GNAO1: variants seen among roughly 807,000 people sequenced by gnomAD.
The protein encoded by GNAO1 is G protein subunit alpha o1, also known as guanine nucleotide-binding protein G(o) subunit alpha.
For synonymous variants in GNAO1, 164 were observed against 180.7 expected (o/e 0.91, Z 0.74); for missense variants, 166 against 478.7 (o/e 0.35, Z 6.10).
intron 5 of GNAO1, among the ~76,000 whole-genome samples, chr16:56,335,676 C>A (rs2037733652): frequency 6.6e-6 from 1 of 152,166 alleles, no homozygotes. Context: ...GCAGAGCAGC[C>A]CTGAGGGGCC....
At chr16:56,219,196 C>G (rs2036462428) in intron 2 of GNAO1, among the ~76,000 whole-genome samples, 2 of 152,172 alleles carry the variant, frequency 1.3e-5, no homozygotes, top group African/African-American at 4.8e-5. Flanking sequence ...ATGACCATAC[C>G]TTTTCCATCC....
intron 2 of GNAO1, among the ~76,000 whole-genome samples, chr16:56,261,801 A>C (rs1596827605): frequency 6.6e-6 from 1 of 152,072 alleles, no homozygotes; most frequent in South Asian, 2.1e-4. Context: ...GTAACCAGGC[A>C]CCCCCTTTCA....
chr16:56,228,989 G>A (rs1362762638), intron 2 of GNAO1, among the ~76,000 whole-genome samples: 1 of 152,198 alleles, frequency 6.6e-6, no homozygotes, highest in Non-Finnish European at 1.5e-5. Context: ...GTTCTCTGCT[G>A]TGTGTGTGGT....
At chr16:56,312,793 G>A (rs1338550499) in intron 3 of GNAO1, among the ~76,000 whole-genome samples, 2 of 152,304 alleles carry the variant, frequency 1.3e-5, no homozygotes, top group South Asian at 2.1e-4. Flanking sequence ...ACGTGCCACC[G>A]CTCTGTGAGA....
chr16:56,326,012 C>T lies in GNAO1; in HGVS notation c.304-2619C>T, dbSNP rs1370726236. 1.3e-5 allele frequency among the ~76,000 whole-genome samples: 2 copies of T among 152,228 alleles called. No homozygotes were observed. The highest frequency in any genetic ancestry group is 2.4e-5 in the African/African-American group (1 of 41,464). On this transcript the variant is annotated intron_variant, in intron 3 of 8. Transcript: ENST00000262493. This position sits in a 1 kb window ranked among gnomAD's most constrained non-coding sequence, Gnocchi z 4.8. ...ATGCTCACCAGCCACCTCCTCCACT[C>T]ATCGACCCTCTTCCTTGCCTTGGCA...
At chr16:56,341,877 C>A (rs2037807943) in intron 6 of GNAO1, among the ~76,000 whole-genome samples, 1 of 152,224 alleles carries the variant, frequency 6.6e-6, no homozygotes, top group Non-Finnish European at 1.5e-5. Context: ...AGAAGTGGGG[C>A]ACCCTCAGCC....
Position 56,354,783 on chromosome 16 carries a change from C to A in GNAO1, c.878-83C>A. 1.2e-6 allele frequency: 1 copy of A among 808,222 alleles called. No homozygotes were observed. The highest frequency in any genetic ancestry group is 2.1e-6 in the Non-Finnish European group (1 of 480,952). 50.1% of individuals were successfully genotyped at this position (808,222 alleles called of 1,614,324 possible). On this transcript the variant is annotated intron_variant, in intron 7 of 8. Coordinates refer to ENST00000262493, the MANE Select transcript of GNAO1 (RefSeq NM_020988.3). The surrounding 1 kb of genome is among the most constrained non-coding windows in gnomAD (Gnocchi z 4.3). ...CCACTTCCTGGGACACGCCACAACC[C>A]ACTTCTTGTCTTCATGTCCCCAGCC...
chr16:56,351,613 G>C lies in GNAO1; in HGVS notation c.877+76G>C. On this transcript the variant is annotated intron_variant, in intron 7 of 8. Transcript: ENST00000262493. The surrounding 1 kb of genome is among the most constrained non-coding windows in gnomAD (Gnocchi z 6.1). ...CCATGGCTCAGAGAACAGGCTGCTC[G>C]GCCAGCACTGCTGGGGCTAGCTGGC... The C allele has an allele frequency of 3.4e-6, 4 of 1,184,238 alleles. No individual in the cohort carries two copies. The highest frequency in any genetic ancestry group is 4.9e-6 in the Non-Finnish European group (4 of 814,266). The allele number at this position is 1,184,238 out of a possible 1,614,324, so 73.4% of individuals were successfully genotyped here. A position where few individuals can be genotyped will look rare whatever the true frequency, so the allele number is the denominator to read the frequency against.
chr16:56,340,576 C>G (rs1441893832), intron 6 of GNAO1: 3 of 462,654 alleles, frequency 6.5e-6, no homozygotes, highest in African/African-American at 3.9e-5. Context: ...GGGGCCAGCT[C>G]TCTTTGGAAG....
chr16:56,317,631 T>C (rs1329275530), intron 3 of GNAO1, among the ~76,000 whole-genome samples: 2 of 151,930 alleles, frequency 1.3e-5, no homozygotes, highest in Non-Finnish European at 2.9e-5. Flanking sequence ...CTGGGGTGGC[T>C]GATGGGTAGA....
chr16:56,197,158 G>C (rs1299121390), intron 2 of GNAO1, among the ~76,000 whole-genome samples: 1 of 152,220 alleles, frequency 6.6e-6, no homozygotes, highest in African/African-American at 2.4e-5. Flanking sequence ...GCAACCTACA[G>C]CCATTACTCC....
chr16:56,334,709 C>G lies in GNAO1; in HGVS notation c.465-20C>G. ...GTCCAGGCATTTGGTCCATAGTCCC[C>G]TGTTTGTTGCCATCCTCAGCTACCT... On this transcript the variant is annotated intron_variant, in intron 4 of 8. Coordinates refer to ENST00000262493, the MANE Select transcript of GNAO1 (RefSeq NM_020988.3). The G allele has an allele frequency of 6.2e-7, 1 of 1,613,686 alleles. No individual in the cohort carries two copies. Among genetic ancestry groups the G allele is most frequent in the Non-Finnish European group, 8.5e-7 (1 of 1,179,886 alleles).
chr16:56,338,311 C>T (rs1567490121), intron 6 of GNAO1, among the ~76,000 whole-genome samples: 1 of 152,202 alleles, frequency 6.6e-6, no homozygotes, highest in Non-Finnish European at 1.5e-5. Context: ...ATGGCATCTG[C>T]AGGCAGTGAT....
chr16:56,240,401 G>T (rs1265005000), intron 2 of GNAO1, among the ~76,000 whole-genome samples: 1 of 152,200 alleles, frequency 6.6e-6, no homozygotes, highest in Non-Finnish European at 1.5e-5. Flanking sequence ...TGGGGAGGCA[G>T]TGTGAACACC....
chr16:56,225,667 A>G (rs1368582667), intron 2 of GNAO1, among the ~76,000 whole-genome samples: 2 of 152,102 alleles, frequency 1.3e-5, no homozygotes, highest in East Asian at 3.9e-4. Flanking sequence ...GGGTATAAAA[A>G]TGATAGCCCC....
chr16:56,268,517 G>A (rs2036981301), intron 2 of GNAO1, among the ~76,000 whole-genome samples: 1 of 152,150 alleles, frequency 6.6e-6, no homozygotes, highest in South Asian at 2.1e-4. Context: ...AGGTCAAAAT[G>A]GTCCCTAGTA....
chr16:56,328,576 G>A (rs148128378), intron 3 of GNAO1, 55 bp from the exon 4 acceptor site: 2 of 1,576,910 alleles, frequency 1.3e-6, no homozygotes, highest in African/African-American at 1.3e-5. Flanking sequence ...TTGGCTGGCA[G>A]AGGTCTTCTG....
chr16:56,262,210 C>T (rs1374749940), intron 2 of GNAO1, among the ~76,000 whole-genome samples: 1 of 152,220 alleles, frequency 6.6e-6, no homozygotes, highest in East Asian at 1.9e-4. Flanking sequence ...TTGCAGAGCT[C>T]AGGCTCCCTC....
intron 2 of GNAO1, among the ~76,000 whole-genome samples, chr16:56,227,543 C>A (rs2036542999): frequency 6.6e-6 from 1 of 152,110 alleles, no homozygotes; most frequent in South Asian, 2.1e-4. Context: ...TGGTCTTTGG[C>A]CAGGCACAGT....
Sources: allele counts gnomAD v4.1 joint callset (sites outside exome capture counted in the v4.1 genomes callset), GRCh38; gene constraint gnomAD v4.1.1; non-coding constraint Gnocchi (gnomAD v3.1); transcripts MANE v1.5; gene names NCBI Gene and HGNC (gene_info 2026-07-23, HGNC 2026-07-21).